Variants in SLC9A7 observed in about 807,000 individuals in gnomAD.
SLC9A7 encodes solute carrier family 9 member A7.
Under a neutral mutation model 52.6 loss-of-function variants are expected in SLC9A7, and 19 were observed. The ratio of observed to expected loss-of-function variants is 0.36; its 90% CI spans 0.25 to 0.53. The LOEUF (loss-of-function observed/expected upper bound fraction) is 0.53, where lower values mean the gene tolerates loss of function less well. Among genes scored for constraint, SLC9A7 ranks in the 20% least tolerant of loss-of-function variants. The pLI, the probability that SLC9A7 is intolerant of heterozygous loss-of-function variation, is 0.91. For missense variants in SLC9A7, 455 were observed against 597.9 expected, an observed-to-expected ratio of 0.76 and a Z score of 2.49; for synonymous variants, 226 against 252.1, an observed-to-expected ratio of 0.90 and a Z score of 0.98.
At chrX:46,687,806 T>C (rs966034644) in intron 1 of SLC9A7, among the ~76,000 whole-genome samples, 1 of 112,210 alleles carries the variant, frequency 8.9e-6, no homozygotes, top group Non-Finnish European at 1.9e-5. Flanking sequence ...CACTGCAATC[T>C]GATTTTGAAA....
chrX:46,647,095 G>T, intron 11 of SLC9A7: 1 of 332,012 alleles, frequency 3.0e-6, no homozygotes, highest in Non-Finnish European at 5.8e-6. Context: ...TCCTCACTAC[G>T]GGCAGCCACA....
At chrX:46,632,530 C>T (rs1943238996) in intron 13 of SLC9A7, among the ~76,000 whole-genome samples, 2 of 111,235 alleles carry the variant, frequency 1.8e-5, no homozygotes, top group African/African-American at 6.5e-5. Flanking sequence ...TCTTCATCCC[C>T]CCACAATCCC....
chrX:46,710,380 G>A, intron 1 of SLC9A7, among the ~76,000 whole-genome samples: 1 of 112,190 alleles, frequency 8.9e-6, no homozygotes, highest in African/African-American at 3.2e-5. Flanking sequence ...AGTGGACAGT[G>A]AGGGCCCCCA....
intron 1 of SLC9A7, among the ~76,000 whole-genome samples, chrX:46,744,601 A>G (rs1473369187): frequency 8.9e-6 from 1 of 112,150 alleles, no homozygotes. Context: ...CTAGCTTCTC[A>G]GTGAAAATAT....
intron 15 of SLC9A7, among the ~76,000 whole-genome samples, chrX:46,615,659 C>CATATATAT (rs758950486): frequency 8.3e-4 from 86 of 103,268 alleles, no homozygotes; most frequent in African/African-American, 1.7e-3. Flanking sequence ...TATACATATA[C>CATATATAT]ATATATATAT....
intron 1 of SLC9A7, among the ~76,000 whole-genome samples, chrX:46,740,921 CT>C (rs1000108217): frequency 3.3e-4 from 35 of 105,080 alleles, no homozygotes; most frequent in Non-Finnish European, 5.9e-5. Context: ...AAAAAAGCTA[CT>C]AAAACGAACA....
chrX:46,703,997 T>C (rs1241391723), intron 1 of SLC9A7, among the ~76,000 whole-genome samples: 2 of 111,689 alleles, frequency 1.8e-5, no homozygotes, highest in African/African-American at 3.3e-5. Context: ...GTACAATATA[T>C]ATTTCCTATT....
Position 46,653,646 on chromosome X carries a change from C to T in SLC9A7, c.1110G>A (p.Trp370Ter). Reference sequence around the variant, plus strand: ...AGGCTTCTGCCAAGAGAAACGTGCTCCAGGACATGAGGAAGAACAGCGCCG... The same window carrying T: ...AGGCTTCTGCCAAGAGAAACGTGCTTCAGGACATGAGGAAGAACAGCGCCG... ...LETALFFLMS[W>*]STFLLAEACG... The change falls in exon 8 of 17, where the codon TGG becomes TGA. Residue 370 changes from tryptophan (W) to a stop codon, truncating the protein, a stop_gained. Coordinates refer to ENST00000616978, the MANE Select transcript of SLC9A7 (RefSeq NM_001257291.2). LOFTEE classifies it high-confidence loss of function. 1 of 1,210,660 alleles carries T rather than the reference C, an allele frequency of 8.3e-7. No individual in the cohort carries two copies. The highest frequency in any genetic ancestry group is 1.7e-5 in the African/African-American group (1 of 57,621).
intron 12 of SLC9A7, among the ~76,000 whole-genome samples, chrX:46,639,973 G>A (rs1436812072): frequency 8.9e-6 from 1 of 112,002 alleles, no homozygotes; most frequent in Non-Finnish European, 1.9e-5. Flanking sequence ...AATATATCAT[G>A]TTCATGGATT....
Position 46,669,978 on chromosome X carries a change from GCA to G in SLC9A7, c.681-261_681-260del, listed in dbSNP as rs1170102282. On this transcript the variant is annotated intron_variant, in intron 4 of 16. Transcript: ENST00000616978. ...GGCTAACAACTAAAGCAACCATGAAGCACAGTCTTCAATTAGCAACAAAGCTA... is the reference window on the plus strand; with the variant it reads ...GGCTAACAACTAAAGCAACCATGAAGCAGTCTTCAATTAGCAACAAAGCTA... 3.6e-5 allele frequency among the ~76,000 whole-genome samples: 4 copies of G among 112,097 alleles called. No individual in the cohort carries two copies. The Admixed American group carries it at 3.8e-4, about 11-fold the overall frequency.
chrX:46,718,658 A>G (rs1196397368), intron 1 of SLC9A7, among the ~76,000 whole-genome samples: 1 of 112,597 alleles, frequency 8.9e-6, no homozygotes, highest in Non-Finnish European at 1.9e-5. Context: ...ACACTTCTCA[A>G]AAGAAGACAT....
chrX:46,636,683 C>A (rs1943325534), intron 12 of SLC9A7, among the ~76,000 whole-genome samples: 1 of 110,882 alleles, frequency 9.0e-6, no homozygotes, highest in South Asian at 3.8e-4. Flanking sequence ...TTGTAACCCT[C>A]CAAAGTGCCA....
At chrX:46,648,940 T>A in intron 10 of SLC9A7, 143 bp from the exon 11 acceptor site, 1 of 439,024 alleles carries the variant, frequency 2.3e-6, no homozygotes, top group Non-Finnish European at 3.9e-6. Flanking sequence ...GACTGTCTAG[T>A]TCCCCCCTAG....
intron 1 of SLC9A7, chrX:46,725,603 C>A: frequency 9.3e-7 from 1 of 1,069,988 alleles, no homozygotes; most frequent in Non-Finnish European, 1.3e-6. Flanking sequence ...CATACATCCA[C>A]TTTTGCTTTA....
chrX:46,673,789 G>T (rs1372920234), intron 3 of SLC9A7, among the ~76,000 whole-genome samples: 1 of 111,217 alleles, frequency 9.0e-6, no homozygotes, highest in African/African-American at 3.3e-5. Context: ...CCCAGTGCTT[G>T]CCCCTATCTG....
rs774341094 is a variant in SLC9A7, at chrX:46,648,774, G to A, written c.1374C>T (p.Ala458=). The change falls in exon 11 of 17, where the codon GCC becomes GCT. Residue 458 remains alanine (A), a synonymous_variant. Transcript: ENST00000616978. ...AGAAGGAGAGCGGGTAGATGTGCGC[G>A]GCTCTGCCCAGGAAGATGGCAACCT... ...GAFVAIFLGR[A]AHIYPLSFFL... is the part of the protein sequence containing the mutation. 3.6e-5 allele frequency: 44 copies of A among 1,210,275 alleles called. No individual in the cohort carries two copies. In the Middle Eastern group the frequency reaches 1.1e-3, roughly 32 times the overall value.
chrX:46,669,748 G>A lies in SLC9A7; in HGVS notation c.681-29C>T, dbSNP rs373593579. The stretch of plus-strand genomic sequence containing the variant: ...TAAGAAGGTAAGGTAAACTATGTCA[G>A]GAGAAAAAAATAAGTAACTTAGCAA... On this transcript the variant is annotated intron_variant, in intron 4 of 16. Coordinates refer to ENST00000616978, the MANE Select transcript of SLC9A7 (RefSeq NM_001257291.2). 16 of 825,661 alleles carry A rather than the reference G, an allele frequency of 1.9e-5. No homozygotes were observed. The East Asian group carries it at 2.8e-4, about 14-fold the overall frequency. 68.0% of individuals were successfully genotyped at this position (825,661 alleles called of 1,213,427 possible). A position where few individuals can be genotyped will look rare whatever the true frequency, so the allele number is the denominator to read the frequency against.
chrX:46,689,599 T>C (rs933185868), intron 1 of SLC9A7, among the ~76,000 whole-genome samples: 8 of 111,376 alleles, frequency 7.2e-5, no homozygotes, highest in Non-Finnish European at 9.4e-5. Context: ...TGCCTTTTTT[T>C]TTTTTCAGTT....
Position 46,605,973 on chromosome X carries a change from G to A in SLC9A7, c.*979C>T, listed in dbSNP as rs1392290758. On this transcript the variant is annotated 3_prime_UTR_variant, in exon 17 of 17. Coordinates refer to ENST00000616978, the MANE Select transcript of SLC9A7 (RefSeq NM_001257291.2). ...GTTTGACACCAGCCTGGGCAACATGGTGAAACCCCATCTCTACCAAAAATA... is the reference window on the plus strand; with the variant it reads ...GTTTGACACCAGCCTGGGCAACATGATGAAACCCCATCTCTACCAAAAATA... 9.0e-6 allele frequency: 1 copy of A among 111,430 alleles called. No homozygotes were observed. The highest frequency in any genetic ancestry group is 9.6e-5 in the Admixed American group (1 of 10,442). 9.2% of individuals were successfully genotyped at this position (111,430 alleles called of 1,213,427 possible).
Sources: gnomAD v4.1 joint callset for allele counts (sites outside exome capture counted in the v4.1 genomes callset) on GRCh38, gnomAD v4.1.1 for gene constraint, MANE v1.5 for transcripts, NCBI Gene and HGNC (gene_info 2026-07-23, HGNC 2026-07-21) for gene names.